The following SMAD1 variants were observed in gnomAD, a reference collection of about 807,000 sequenced individuals.
SMAD1 encodes SMAD family member 1, also known as MAD, mothers against decapentaplegic homolog 1.
SMAD1 carries 6 observed loss-of-function variants against 41.6 expected under a neutral mutation model. That is an observed-to-expected ratio of 0.14 (90% CI 0.08 to 0.28). SMAD1 has a LOEUF of 0.28. Ranked by LOEUF, SMAD1 falls within the 10% of genes least tolerant of loss-of-function variation. The pLI is 1.00. For missense variants in SMAD1, 379 were observed against 582.6 expected (o/e 0.65, Z 3.60); for synonymous variants, 206 against 203.2 (o/e 1.01, Z -0.12).
At chr4:145,483,997 T>G (rs1430472969) in intron 1 of SMAD1, among the ~76,000 whole-genome samples, 2 of 152,224 alleles carry the variant, frequency 1.3e-5, no homozygotes, top group African/African-American at 4.8e-5. Flanking sequence ...TTTACTAAGT[T>G]CATTAAGGCA....
At chr4:145,501,284 TC>T (rs1729422534) in intron 1 of SMAD1, among the ~76,000 whole-genome samples, 1 of 152,220 alleles carries the variant, frequency 6.6e-6, no homozygotes, top group South Asian at 2.1e-4. Context: ...AGTGATTTTT[TC>T]AAGTGATAAA....
In SMAD1 at chr4:145,514,005, T is replaced by A. The variant is rs933903567; in HGVS notation, c.-176-433T>A. Reference sequence around the variant, plus strand: ...AATAAAATATCATAGACTGGGTGGCTTAAATAACAGAAATAGATTTTCTCT... The same window carrying A: ...AATAAAATATCATAGACTGGGTGGCATAAATAACAGAAATAGATTTTCTCT... On this transcript the variant is annotated intron_variant, in intron 1 of 6. Transcript: ENST00000302085. The surrounding 1 kb of genome is among the most constrained non-coding windows in gnomAD (Gnocchi z 4.7). Among the ~76,000 whole-genome samples, 4 of 152,210 alleles carry A rather than the reference T, an allele frequency of 2.6e-5. No homozygotes were observed. The highest frequency in any genetic ancestry group is 6.5e-5 in the Admixed American group (1 of 15,286).
chr4:145,488,132 T>A (rs954705690), intron 1 of SMAD1, among the ~76,000 whole-genome samples: 3 of 151,686 alleles, frequency 2.0e-5, no homozygotes, highest in Non-Finnish European at 2.9e-5. Context: ...TTTTTTTTTT[T>A]AATAAGAACC....
At chr4:145,542,179 CT>C (rs2126519611) in intron 3 of SMAD1, among the ~76,000 whole-genome samples, 1 of 152,362 alleles carries the variant, frequency 6.6e-6, no homozygotes, top group South Asian at 2.1e-4. Flanking sequence ...CCTGAAGCTC[CT>C]TTTCTTAAGA....
At chr4:145,487,687 T>C (rs1578730826) in intron 1 of SMAD1, among the ~76,000 whole-genome samples, 1 of 152,184 alleles carries the variant, frequency 6.6e-6, no homozygotes, top group Admixed American at 6.5e-5. Context: ...ATAGTATTAA[T>C]GTAATTGCTT....
intron 1 of SMAD1, among the ~76,000 whole-genome samples, chr4:145,508,194 CT>C (rs551438584): frequency 9.3e-4 from 141 of 151,914 alleles, no homozygotes; most frequent in African/African-American, 3.2e-3. Flanking sequence ...GATTTAAAAC[CT>C]TCCACTTGTC....
chr4:145,512,990 T>C (rs555856387), intron 1 of SMAD1, among the ~76,000 whole-genome samples: 2 of 152,300 alleles, frequency 1.3e-5, no homozygotes, highest in African/African-American at 2.4e-5. Context: ...GGAGCTTCCA[T>C]TGAAAGCCTA....
chr4:145,519,046 T>A (rs1730577707), intron 2 of SMAD1, among the ~76,000 whole-genome samples: 1 of 122,312 alleles, frequency 8.2e-6, no homozygotes, highest in Admixed American at 7.7e-5. Context: ...CTCTTTTTTT[T>A]ACTGCCTATT....
intron 1 of SMAD1, among the ~76,000 whole-genome samples, chr4:145,488,022 T>C (rs1342372977): frequency 6.6e-6 from 1 of 152,196 alleles, no homozygotes; most frequent in Non-Finnish European, 1.5e-5. Context: ...GAAGACTCTC[T>C]CTTGAAAATA....
chr4:145,521,149 C>G (rs1253652077), intron 2 of SMAD1, among the ~76,000 whole-genome samples: 2 of 152,142 alleles, frequency 1.3e-5, no homozygotes, highest in African/African-American at 2.4e-5. Context: ...CTTTTACTAG[C>G]CTTCAGAATC....
At position 145,514,461 on chromosome 4, in the gene SMAD1, AAC is replaced by A; in HGVS notation, c.-150_-149del. The A allele has an allele frequency of 4.4e-6, 3 of 685,538 alleles. No individual in the cohort carries two copies. Among genetic ancestry groups the A allele is most frequent in the Non-Finnish European group, 6.9e-6 (3 of 432,136 alleles). The allele number at this position is 685,538 out of a possible 1,614,324, so 42.5% of individuals were successfully genotyped here. On this transcript the variant is annotated 5_prime_UTR_variant, in exon 2 of 7. Transcript: ENST00000302085. The surrounding 1 kb of genome is among the most constrained non-coding windows in gnomAD (Gnocchi z 4.7). The stretch of plus-strand genomic sequence containing the variant: ...AGGTGCTGACTGGGTTACTTTTTTA[AAC>A]ACTAGGAATGGTAATTTCTACTCTT...
chr4:145,527,991 C>T (rs1308375304), intron 2 of SMAD1, among the ~76,000 whole-genome samples: 3 of 151,790 alleles, frequency 2.0e-5, no homozygotes, highest in Non-Finnish European at 2.9e-5. Flanking sequence ...AGTTATTCTC[C>T]TGCCTCAGCC....
At chr4:145,495,064 A>G (rs759445963) in intron 1 of SMAD1, among the ~76,000 whole-genome samples, 8 of 152,204 alleles carry the variant, frequency 5.3e-5, no homozygotes, top group Non-Finnish European at 1.0e-4. Context: ...GAAAAGTGGC[A>G]GAATAGAGCT....
At chr4:145,510,216 T>A (rs998472474) in intron 1 of SMAD1, among the ~76,000 whole-genome samples, 1 of 152,184 alleles carries the variant, frequency 6.6e-6, no homozygotes, top group Admixed American at 6.6e-5. Context: ...TTATCCAATT[T>A]TATTAGTATT....
chr4:145,554,216 C>G (rs1350496363), intron 6 of SMAD1, among the ~76,000 whole-genome samples, 176 bp downstream of exon 6: 2 of 150,230 alleles, frequency 1.3e-5, no homozygotes, highest in Admixed American at 6.7e-5. Context: ...AGGAAAATAT[C>G]ATTGGAACAT....
intron 1 of SMAD1, among the ~76,000 whole-genome samples, chr4:145,500,799 A>G (rs1476116735): frequency 5.3e-5 from 8 of 152,176 alleles, no homozygotes. Flanking sequence ...TGGATATGCA[A>G]AATATTAAAA....
intron 2 of SMAD1, among the ~76,000 whole-genome samples, chr4:145,535,298 A>G (rs1309314417): frequency 6.6e-6 from 1 of 152,222 alleles, no homozygotes; most frequent in Non-Finnish European, 1.5e-5. Context: ...AAAGTTATAT[A>G]TACATTTACC....
intron 6 of SMAD1, 51 bp downstream of exon 6, chr4:145,554,091 C>CTTT (rs10715854): frequency 8.2e-5 from 93 of 1,138,886 alleles, no homozygotes; most frequent in Middle Eastern, 2.5e-4. Context: ...TTTTGCTGTG[C>CTTT]TTTTTTTTTT....
chr4:145,554,929 T>C (rs1732756305), intron 6 of SMAD1, among the ~76,000 whole-genome samples: 1 of 152,210 alleles, frequency 6.6e-6, no homozygotes, highest in Non-Finnish European at 1.5e-5. Flanking sequence ...AAACCTGTTT[T>C]GTAATGTATT....
Sources: gnomAD v4.1 joint callset for allele counts (sites outside exome capture counted in the v4.1 genomes callset) on GRCh38, gnomAD v4.1.1 for gene constraint, Gnocchi (gnomAD v3.1) non-coding constraint, MANE v1.5 for transcripts, NCBI Gene and HGNC (gene_info 2026-07-23, HGNC 2026-07-21) for gene names.